Variants in BRD1 observed in about 807,000 individuals in gnomAD.
The protein encoded by BRD1 is bromodomain-containing protein 1.
In BRD1, 24 loss-of-function variants were observed where a neutral mutation model predicts 107.7. That is an observed-to-expected ratio of 0.22 (90% CI 0.16 to 0.31). BRD1 has a LOEUF of 0.31. BRD1 is among the 10% of genes least tolerant of loss of function. BRD1 has a pLI of 1.00. For synonymous variants in BRD1, 744 were observed against 686.1 expected (o/e 1.08, Z -1.32); for missense variants, 1,279 against 1,638.6 (o/e 0.78, Z 3.79).
At chr22:49,788,988 G>A (rs951160714) in intron 7 of BRD1, among the ~76,000 whole-genome samples, 3 of 152,226 alleles carry the variant, frequency 2.0e-5, no homozygotes, top group East Asian at 1.9e-4. Flanking sequence ...ACAGGACTCA[G>A]AGCAATGTTT....
Position 49,823,784 on chromosome 22 carries a change from G to T in BRD1, c.534C>A (p.Val178=). Reference sequence around the variant, plus strand: ...CAAACATGCTCTGCGACACGGCGGGGACGCAGTCGCCCTTGCGCTTCTCAT... The same window carrying T: ...CAAACATGCTCTGCGACACGGCGGGTACGCAGTCGCCCTTGCGCTTCTCAT... ...IVNEKRKGDC[V]PAVSQSMFEF... Residue 178 remains valine, a synonymous_variant, in exon 2 of 13, where the codon GTC becomes GTA. Coordinates refer to ENST00000404760, the MANE Select transcript of BRD1 (RefSeq NM_001304808.3). 6.2e-7 allele frequency: 1 copy of T among 1,614,156 alleles called. No homozygotes were observed. The highest frequency in any genetic ancestry group is 1.3e-5 in the African/African-American group (1 of 75,072).
chr22:49,808,105 G>A (rs941414639), intron 2 of BRD1, among the ~76,000 whole-genome samples: 3 of 152,152 alleles, frequency 2.0e-5, no homozygotes, highest in Non-Finnish European at 4.4e-5. Context: ...AGGTGTAGCC[G>A]CTGTGGAAAA....
intron 10 of BRD1, 37 bp from the exon 11 acceptor site, chr22:49,776,196 C>T: frequency 6.4e-7 from 1 of 1,562,964 alleles, no homozygotes. Context: ...CAGGCGTCAG[C>T]AGGACACGGG....
In BRD1 at chr22:49,823,393, T is replaced by G. The variant is rs1227335903; in HGVS notation, c.925A>C (p.Ile309Leu). ...TTCCTCACCCCATCGATGGGCTCGATGAACACCGTGTTGGCAAAGCCGACC... is the reference window on the plus strand; with the variant it reads ...TTCCTCACCCCATCGATGGGCTCGAGGAACACCGTGTTGGCAAAGCCGACC... ...PEVGFANTVF[I>L]EPIDGVRNIP... The change falls in exon 2 of 13, where the codon ATC (isoleucine) becomes CTC (leucine). Residue 309 changes from isoleucine (I) to leucine (L), a missense_variant. Ile to Leu is a conservative substitution (Grantham distance 5). Transcript: ENST00000404760. 6.2e-7 allele frequency: 1 copy of G among 1,613,618 alleles called. No homozygotes were observed. The highest frequency in any genetic ancestry group is 1.7e-5 in the Admixed American group (1 of 60,028).
In BRD1 at chr22:49,777,310, T is replaced by G; in HGVS notation, c.2994-149A>C. 2.3e-6 allele frequency: 3 copies of G among 1,278,948 alleles called. No homozygotes were observed. The South Asian group carries it at 4.2e-5, about 18-fold the overall frequency. The allele number at this position is 1,278,948 out of a possible 1,614,324, so 79.2% of individuals were successfully genotyped here. A position where few individuals can be genotyped will look rare whatever the true frequency, so the allele number is the denominator to read the frequency against. ...AGACGGGCCTGTGGGTGCGCAGGTCTGGAGGGAGTGAACCTGTGGCAGGGG... is the reference window on the plus strand; with the variant it reads ...AGACGGGCCTGTGGGTGCGCAGGTCGGGAGGGAGTGAACCTGTGGCAGGGG... On this transcript the variant is annotated intron_variant, in intron 9 of 12. Coordinates refer to ENST00000404760, the MANE Select transcript of BRD1 (RefSeq NM_001304808.3).
chr22:49,808,992 G>A (rs149143531), intron 2 of BRD1, among the ~76,000 whole-genome samples: 2 of 151,914 alleles, frequency 1.3e-5, no homozygotes, highest in Admixed American at 6.6e-5. Flanking sequence ...GATGGCACAC[G>A]CCCGTAATCC....
At chr22:49,800,193 G>C (rs1294460231) in intron 3 of BRD1, among the ~76,000 whole-genome samples, 2 of 152,146 alleles carry the variant, frequency 1.3e-5, no homozygotes, top group African/African-American at 4.8e-5. Context: ...TGGACTACAA[G>C]ATGCAAGGAC....
In BRD1 at chr22:49,822,970, G is replaced by A. The variant is rs900252032; in HGVS notation, c.1348C>T (p.Pro450Ser). 3.1e-6 allele frequency: 5 copies of A among 1,614,016 alleles called. No individual in the cohort carries two copies. In the African/African-American group the frequency reaches 6.7e-5, roughly 22 times the overall value. Residue 450 changes from proline (P) to serine (S), a missense_variant, in exon 2 of 13, where the codon CCT (proline) becomes TCT (serine). This residue lies in a region of BRD1 where 87 missense variants were observed against 77.1 expected (regional missense o/e 1.13). Coordinates refer to ENST00000404760, the MANE Select transcript of BRD1 (RefSeq NM_001304808.3). ...PCAVLPTVCA[P>S]YIPPQRLNRI... ...GCTTACCTCTGCGGGGGAATATAAG[G>A]AGCGCACACGGTCGGCAGGACCGCG...
intron 8 of BRD1, among the ~76,000 whole-genome samples, chr22:49,784,686 T>C (rs1468364269): frequency 6.6e-6 from 1 of 152,360 alleles, no homozygotes; most frequent in South Asian, 2.1e-4. Flanking sequence ...TTCCGGATAA[T>C]TCCTGTCCTA....
chr22:49,778,592 T>TGG (rs2146942058), intron 8 of BRD1, among the ~76,000 whole-genome samples: 1 of 152,280 alleles, frequency 6.6e-6, no homozygotes, highest in Non-Finnish European at 1.5e-5. Context: ...AGGTCCCCCA[T>TGG]GGGAGTCACA....
Position 49,791,586 on chromosome 22 carries a change from C to G in BRD1, c.2359+2448G>C, listed in dbSNP as rs567869992. ...TAAATGTCTGATTCTTGGTTTTCATCCTATTATAAGTATCGTAAGTCACAT... is the reference window on the plus strand; with the variant it reads ...TAAATGTCTGATTCTTGGTTTTCATGCTATTATAAGTATCGTAAGTCACAT... On this transcript the variant is annotated intron_variant, in intron 7 of 12. Transcript: ENST00000404760. Among the ~76,000 whole-genome samples the G allele has an allele frequency of 4.5e-4, 68 of 152,288 alleles. No individual in the cohort carries two copies. The South Asian group carries it at 0.014, about 31-fold the overall frequency.
At chr22:49,808,755 T>G (rs1228690921) in intron 2 of BRD1, among the ~76,000 whole-genome samples, 1 of 152,178 alleles carries the variant, frequency 6.6e-6, no homozygotes, top group Non-Finnish European at 1.5e-5. Flanking sequence ...AATGTGCACC[T>G]TCCAAATGAG....
intron 8 of BRD1, among the ~76,000 whole-genome samples, chr22:49,780,274 G>A (rs1161983797): frequency 6.6e-6 from 1 of 152,206 alleles, no homozygotes; most frequent in Non-Finnish European, 1.5e-5. Context: ...TAAAACACAA[G>A]GCAAGTCCTT....
chr22:49,826,782 C>T (rs1326289864), intron 1 of BRD1, among the ~76,000 whole-genome samples: 3 of 152,236 alleles, frequency 2.0e-5, no homozygotes, highest in Non-Finnish European at 4.4e-5. Flanking sequence ...ACACGGGCGG[C>T]CGCGCTTTCT....
Position 49,798,669 on chromosome 22 carries a change from G to T in BRD1, c.1674C>A (p.Val558=), listed in dbSNP as rs746506953. 6.2e-7 allele frequency: 1 copy of T among 1,608,812 alleles called. No individual in the cohort carries two copies. The highest frequency in any genetic ancestry group is 2.2e-5 in the East Asian group (1 of 44,758). The change falls in exon 5 of 13, where the codon GTC becomes GTA. Residue 558 remains valine (V), a synonymous_variant. Transcript: ENST00000404760. ...GCGGGGTCAGCCGCAGCTCCATGGC[G>T]ACCTGCTCCACCTTCACCTGGGGGG... The part of the protein sequence containing the change: ...LKREQVKVEQ[V]AMELRLTPLT...
At chr22:49,775,837 C>CCCCCCCCTGG in intron 11 of BRD1, 92 bp from the exon 12 acceptor site, 1 of 1,293,482 alleles carries the variant, frequency 7.7e-7, no homozygotes, top group Admixed American at 2.3e-5. Flanking sequence ...CTCCCCACCC[C>CCCCCCCCTGG]AGCTGTGTGA....
At chr22:49,781,440 CG>C (rs1446729366) in intron 8 of BRD1, among the ~76,000 whole-genome samples, 1 of 152,220 alleles carries the variant, frequency 6.6e-6, no homozygotes, top group Non-Finnish European at 1.5e-5. Context: ...ACTGATGGGC[CG>C]TAGTCTCCTC....
chr22:49,780,701 T>C (rs960708511), intron 8 of BRD1, among the ~76,000 whole-genome samples: 1 of 152,230 alleles, frequency 6.6e-6, no homozygotes, highest in Non-Finnish European at 1.5e-5. Context: ...AAGACAGCTA[T>C]GGTTCTGAGA....
intron 3 of BRD1, among the ~76,000 whole-genome samples, chr22:49,800,956 T>G (rs1478104479): frequency 1.3e-5 from 2 of 152,214 alleles, no homozygotes; most frequent in African/African-American, 4.8e-5. Context: ...GCTCCTGGGG[T>G]GAGGGCCCAC....
Sources: allele counts gnomAD v4.1 joint callset (sites outside exome capture counted in the v4.1 genomes callset), GRCh38; gene constraint gnomAD v4.1.1; regional missense constraint gnomAD v4.1.1; transcripts MANE v1.5; gene names NCBI Gene and HGNC (gene_info 2026-07-23, HGNC 2026-07-21).